Variants in KLHL2 observed in about 807,000 individuals in gnomAD.
KLHL2 encodes the protein kelch-like protein 2.
Under a neutral mutation model 75.8 loss-of-function variants are expected in KLHL2, and 15 were observed. That is an observed-to-expected ratio of 0.20 (90% CI 0.13 to 0.30). The LOEUF is 0.30. KLHL2 is among the 10% of genes least tolerant of loss of function. The pLI is 1.00. For missense variants in KLHL2, 381 were observed against 741.0 expected (o/e 0.51, Z 5.64); for synonymous variants, 214 against 251.9 (o/e 0.85, Z 1.42).
At chr4:165,249,463 G>C (rs1266010705) in intron 4 of KLHL2, among the ~76,000 whole-genome samples, 1 of 152,150 alleles carries the variant, frequency 6.6e-6, no homozygotes, top group African/African-American at 2.4e-5. Context: ...ACAAGGAAAG[G>C]GAATTTACTT....
chr4:165,265,321 T>A (rs1386922782), intron 5 of KLHL2, among the ~76,000 whole-genome samples: 1 of 152,198 alleles, frequency 6.6e-6, no homozygotes, highest in African/African-American at 2.4e-5. Flanking sequence ...TCCCATTCTA[T>A]AGGTTGTGTG....
chr4:165,295,813 T>C (rs1179594108), intron 6 of KLHL2, among the ~76,000 whole-genome samples: 1 of 152,172 alleles, frequency 6.6e-6, no homozygotes, highest in African/African-American at 2.4e-5. Flanking sequence ...GTTTAGAATA[T>C]GAGACATTGG....
intron 10 of KLHL2, among the ~76,000 whole-genome samples, chr4:165,311,105 C>T (rs1746150066): frequency 6.6e-6 from 1 of 151,982 alleles, no homozygotes. Flanking sequence ...GATCCGCCCA[C>T]CTCGGCCTCC....
chr4:165,239,628 G>T (rs1425055699), intron 4 of KLHL2, among the ~76,000 whole-genome samples: 3 of 152,120 alleles, frequency 2.0e-5, no homozygotes, highest in Non-Finnish European at 4.4e-5. Flanking sequence ...GGTAAAAGTT[G>T]ATATTGCATC....
rs1457575118 is a variant in KLHL2, at chr4:165,313,299, A to G, written c.1401A>G (p.Glu467=). 1 of 1,596,170 alleles carries G rather than the reference A, an allele frequency of 6.3e-7. No individual in the cohort carries two copies. Among genetic ancestry groups the G allele is most frequent in the African/African-American group, 1.4e-5 (1 of 73,486 alleles). Reference sequence around the variant, plus strand: ...CACGTCAGTGTCTTAGCACAGTAGAATGCTATAATGCTACAACAAATGAGT... The same window carrying G: ...CACGTCAGTGTCTTAGCACAGTAGAGTGCTATAATGCTACAACAAATGAGT... ...GASRQCLSTV[E]CYNATTNEWT... The change falls in exon 12 of 15, where the codon GAA becomes GAG. Residue 467 remains glutamate (E), a synonymous_variant. Transcript: ENST00000226725.
At chr4:165,285,389 C>T (rs1744011178) in intron 5 of KLHL2, among the ~76,000 whole-genome samples, 1 of 152,018 alleles carries the variant, frequency 6.6e-6, no homozygotes, top group African/African-American at 2.4e-5. Context: ...AATGTTAGAT[C>T]TTTTTCATAA....
intron 5 of KLHL2, among the ~76,000 whole-genome samples, chr4:165,272,004 T>G (rs1423852178): frequency 6.6e-6 from 1 of 152,090 alleles, no homozygotes; most frequent in South Asian, 2.1e-4. Context: ...CATTGGAGAG[T>G]AGTAGTCCTA....
intron 4 of KLHL2, among the ~76,000 whole-genome samples, chr4:165,255,425 T>TG (rs1294961276): frequency 6.6e-6 from 1 of 152,124 alleles, no homozygotes; most frequent in Non-Finnish European, 1.5e-5. Flanking sequence ...TTAAACTCTG[T>TG]GGGACATACC....
chr4:165,213,185 T>C (rs1227045563), intron 1 of KLHL2, among the ~76,000 whole-genome samples: 1 of 152,236 alleles, frequency 6.6e-6, no homozygotes, highest in East Asian at 1.9e-4. Flanking sequence ...TTCTGGTTGC[T>C]ACTATTCTGA....
At chr4:165,220,858 TTGA>T (rs1272273165) in intron 2 of KLHL2, among the ~76,000 whole-genome samples, 1 of 152,196 alleles carries the variant, frequency 6.6e-6, no homozygotes, top group Non-Finnish European at 1.5e-5. Context: ...GTATTAAAAG[TTGA>T]TTGAAAAATG....
At chr4:165,258,229 C>T (rs1579058000) in intron 4 of KLHL2, among the ~76,000 whole-genome samples, 2 of 152,078 alleles carry the variant, frequency 1.3e-5, no homozygotes, top group East Asian at 3.8e-4. Flanking sequence ...ATATTTTTAA[C>T]ATTCAAAATA....
intron 5 of KLHL2, chr4:165,279,356 G>A (rs754228124): frequency 6.3e-7 from 1 of 1,581,652 alleles, no homozygotes; most frequent in East Asian, 2.2e-5. Context: ...CCAGACTACG[G>A]TGGTTTCCCT....
chr4:165,247,026 T>C (rs1196853952), intron 4 of KLHL2, among the ~76,000 whole-genome samples: 1 of 152,202 alleles, frequency 6.6e-6, no homozygotes, highest in East Asian at 1.9e-4. Context: ...ATGCTAGTTC[T>C]AGAGAAGAAG....
In KLHL2 at chr4:165,307,169, A is replaced by G. The variant is rs1745798311; in HGVS notation, c.1039+1444A>G. Among the ~76,000 whole-genome samples, 4 of 152,260 alleles carry G rather than the reference A, an allele frequency of 2.6e-5. No homozygotes were observed. The East Asian group carries it at 7.7e-4, about 29-fold the overall frequency. On this transcript the variant is annotated intron_variant, in intron 9 of 14. Transcript: ENST00000226725. ...CTAAAAATACAAAAGATAGCTGGGTATGGTGGCAGGCACCTGTAATACCAG... is the reference window on the plus strand; with the variant it reads ...CTAAAAATACAAAAGATAGCTGGGTGTGGTGGCAGGCACCTGTAATACCAG...
intron 7 of KLHL2, 30 bp from the exon 8 acceptor site, chr4:165,299,477 T>C: frequency 1.3e-6 from 2 of 1,576,240 alleles, no homozygotes; most frequent in Non-Finnish European, 1.7e-6. Flanking sequence ...AGCCCTACCC[T>C]CAGTGGGTGT....
At chr4:165,211,793 T>A (rs1486257412) in intron 1 of KLHL2, among the ~76,000 whole-genome samples, 5 of 152,160 alleles carry the variant, frequency 3.3e-5, no homozygotes, top group Admixed American at 6.5e-5. Context: ...ATAGGTAGCA[T>A]TTATGTAGTA....
chr4:165,241,642 C>T (rs939936457), intron 4 of KLHL2, among the ~76,000 whole-genome samples: 1 of 152,094 alleles, frequency 6.6e-6, no homozygotes, highest in Non-Finnish European at 1.5e-5. Context: ...TAGAAAGTAT[C>T]TTTGGGATTG....
At chr4:165,245,068 C>A (rs765771691) in intron 4 of KLHL2, among the ~76,000 whole-genome samples, 1 of 152,054 alleles carries the variant, frequency 6.6e-6, no homozygotes, top group Non-Finnish European at 1.5e-5. Context: ...GTTAGCCAGG[C>A]GTGGTGGTGC....
At chr4:165,220,252 A>G (rs541320973) in intron 2 of KLHL2, among the ~76,000 whole-genome samples, 193 bp downstream of exon 2, 3 of 152,272 alleles carry the variant, frequency 2.0e-5, no homozygotes, top group Admixed American at 1.3e-4. Flanking sequence ...GGGCTCCTCT[A>G]TTAGTGTGGT....
Sources: allele counts gnomAD v4.1 joint callset (sites outside exome capture counted in the v4.1 genomes callset), GRCh38; gene constraint gnomAD v4.1.1; transcripts MANE v1.5; gene names NCBI Gene and HGNC (gene_info 2026-07-23, HGNC 2026-07-21).